Variants in SLFN5 observed in about 807,000 individuals in gnomAD.
The protein encoded by SLFN5 is schlafen family member 5.
SLFN5 carries 34 observed loss-of-function variants against 48.5 expected under a neutral mutation model. That is an observed-to-expected ratio of 0.70 (90% confidence interval 0.53 to 0.93). The LOEUF (loss-of-function observed/expected upper bound fraction) is 0.93, where lower values mean the gene tolerates loss of function less well. Ranked by LOEUF, SLFN5 falls within the 40% of genes least tolerant of loss-of-function variation. The pLI is 0.00. For synonymous variants in SLFN5, 387 were observed against 396.2 expected, an observed-to-expected ratio of 0.98 and a Z score of 0.28; for missense variants, 1,006 against 1,071.3, an observed-to-expected ratio of 0.94 and a Z score of 0.85.
At position 35,265,071 on chromosome 17, in the gene SLFN5, G is replaced by A. The variant is rs753790585; in HGVS notation, c.1860-1G>A. ...GAAAAACCTGACTCTGTTTCTTACAGTTTCAGCAAGAAAAACATCTGCCAG... is the reference window on the plus strand; with the variant it reads ...GAAAAACCTGACTCTGTTTCTTACAATTTCAGCAAGAAAAACATCTGCCAG... On this transcript the variant is annotated splice_acceptor_variant, in intron 4 of 4. Transcript: ENST00000299977. LOFTEE classifies it high-confidence loss of function. The A allele has an allele frequency of 2.5e-6, 4 of 1,605,798 alleles. No homozygotes were observed. Among genetic ancestry groups the A allele is most frequent in the African/African-American group, 1.3e-5 (1 of 74,608 alleles).
At chr17:35,251,251 A>G (rs1419073286) in intron 1 of SLFN5, among the ~76,000 whole-genome samples, 4 of 152,102 alleles carry the variant, frequency 2.6e-5, no homozygotes, top group Non-Finnish European at 5.9e-5. Context: ...CTCACTCTTG[A>G]CCTGTTTAAA....
At chr17:35,259,790 T>C (rs1421032899) in intron 2 of SLFN5, 88 bp downstream of exon 2, 8 of 1,431,938 alleles carry the variant, frequency 5.6e-6, no homozygotes, top group Non-Finnish European at 7.5e-6. Context: ...TGGTATTCCT[T>C]GGAATCTGGG....
At chr17:35,263,811 CA>C (rs370619332) in intron 3 of SLFN5, among the ~76,000 whole-genome samples, 36 of 122,348 alleles carry the variant, frequency 2.9e-4, no homozygotes, top group Non-Finnish European at 3.3e-4. Flanking sequence ...GACTCCATCT[CA>C]AAAAAAAAAA....
Position 35,271,194 on chromosome 17 carries a change from T to TA in SLFN5, c.*5307dup, listed in dbSNP as rs1485432908. The TA allele has an allele frequency of 3.9e-5, 6 of 152,220 alleles. No individual in the cohort carries two copies. Among genetic ancestry groups the TA allele is most frequent in the Admixed American group, 3.9e-4 (6 of 15,288 alleles). 9.4% of individuals were successfully genotyped at this position (152,220 alleles called of 1,614,324 possible). On this transcript the variant is annotated 3_prime_UTR_variant, in exon 5 of 5. Coordinates refer to ENST00000299977, the MANE Select transcript of SLFN5 (RefSeq NM_144975.4). ...TTGGAACAAGTAGGAATAATGTACT[T>TA]ATAGTATTCATCTTCATACAGGGAT...
At chr17:35,251,349 C>T (rs2092441878) in intron 1 of SLFN5, among the ~76,000 whole-genome samples, 2 of 152,218 alleles carry the variant, frequency 1.3e-5, no homozygotes, top group Admixed American at 6.5e-5. Context: ...TCATTCCCCG[C>T]CTGACCTCAT....
rs367701284 is a variant in SLFN5, at chr17:35,259,629, G to A, written c.939G>A (p.Trp313Ter). The part of the protein sequence containing the change: ...CAVFAKVPSS[W>*]QVKDNRVRQL... Reference sequence around the variant, plus strand: ...TGTTTGCCAAAGTGCCTAGTTCCTGGCAGGTGAAGGACAACCGTGTGAGAC... The same window carrying A: ...TGTTTGCCAAAGTGCCTAGTTCCTGACAGGTGAAGGACAACCGTGTGAGAC... Residue 313 changes from tryptophan to a stop codon, truncating the protein, a stop_gained, in exon 2 of 5, where the codon TGG (tryptophan) becomes TGA (stop). Coordinates refer to ENST00000299977, the MANE Select transcript of SLFN5 (RefSeq NM_144975.4). LOFTEE classifies it high-confidence loss of function. 3 of 1,605,676 alleles carry A rather than the reference G, an allele frequency of 1.9e-6. No homozygotes were observed. The highest frequency in any genetic ancestry group is 1.3e-5 in the African/African-American group (1 of 74,904).
intron 4 of SLFN5, 68 bp from the exon 5 acceptor site, chr17:35,265,004 G>C (rs916848524): frequency 1.3e-6 from 2 of 1,550,292 alleles, no homozygotes; most frequent in Admixed American, 2.0e-5. Flanking sequence ...ACCATGACCA[G>C]AGGGGTTTAA....
intron 1 of SLFN5, among the ~76,000 whole-genome samples, chr17:35,246,413 A>T (rs1432784232): frequency 6.6e-6 from 1 of 152,158 alleles, no homozygotes; most frequent in African/African-American, 2.4e-5. Context: ...CTAGGTATTA[A>T]GCCCAGCAGC....
Position 35,259,271 on chromosome 17 carries a change from A to G in SLFN5, c.581A>G (p.His194Arg). 5 of 1,614,164 alleles carry G rather than the reference A, an allele frequency of 3.1e-6. No homozygotes were observed. The highest frequency in any genetic ancestry group is 4.2e-6 in the Non-Finnish European group (5 of 1,180,040). ...LEKLNLPEST[H>R]VEFVMFSTDV... Reference sequence around the variant, plus strand: ...AAACTCAACCTTCCTGAGTCCACACATGTTGAATTTGTAATGTTCTCGACA... The same window carrying G: ...AAACTCAACCTTCCTGAGTCCACACGTGTTGAATTTGTAATGTTCTCGACA... The change falls in exon 2 of 5, where the codon CAT becomes CGT. Residue 194 changes from histidine (H) to arginine (R), a missense_variant. Transcript: ENST00000299977.
At position 35,265,285 on chromosome 17, in the gene SLFN5, G is replaced by GAA. The variant is rs541312359; in HGVS notation, c.2074_2075insAA (p.Ser692LysfsTer28). On this transcript the variant is annotated frameshift_variant, in exon 5 of 5. Coordinates refer to ENST00000299977, the MANE Select transcript of SLFN5 (RefSeq NM_144975.4). LOFTEE classifies it low-confidence loss of function (END_TRUNC). ...TGGACTACTTTCAGACCTATCACTT[G>GAA]AGTTGCAGTGGCCTCCCCCCTCCCT... 488 of 1,614,168 alleles carry GAA rather than the reference G, an allele frequency of 3.0e-4. 2 individuals carry two copies. The South Asian group carries it at 4.4e-3, about 14-fold the overall frequency.
At chr17:35,259,916 A>T in intron 2 of SLFN5, 1 of 589,386 alleles carries the variant, frequency 1.7e-6, no homozygotes, top group Non-Finnish European at 2.9e-6. Flanking sequence ...CATTCAACAG[A>T]TGCCCTGGCT....
At chr17:35,260,141 C>T (rs1904477823) in intron 2 of SLFN5, among the ~76,000 whole-genome samples, 2 of 152,188 alleles carry the variant, frequency 1.3e-5, no homozygotes, top group Non-Finnish European at 1.5e-5. Context: ...TTCACCCTTT[C>T]TCACTGCCCA....
chr17:35,269,700 G>C lies in SLFN5; in HGVS notation c.*3812G>C, dbSNP rs184143886. The C allele has an allele frequency of 6.6e-6, 1 of 152,108 alleles. No homozygotes were observed. Among genetic ancestry groups the C allele is most frequent in the East Asian group, 1.9e-4 (1 of 5,194 alleles). The allele number at this position is 152,108 out of a possible 1,614,324, so 9.4% of individuals were successfully genotyped here. On this transcript the variant is annotated 3_prime_UTR_variant, in exon 5 of 5. Transcript: ENST00000299977. ...GTTGCACTTATTTAGTTTGCATACC[G>C]TACTCAACTCTTAGCTAGCATAGGG...
chr17:35,247,779 A>C (rs755647004), intron 1 of SLFN5, among the ~76,000 whole-genome samples: 5 of 152,238 alleles, frequency 3.3e-5, no homozygotes, highest in African/African-American at 4.8e-5. Context: ...AGGTCCTACA[A>C]GCCTGTTCAA....
At chr17:35,248,953 G>A (rs1016943116) in intron 1 of SLFN5, among the ~76,000 whole-genome samples, 5 of 151,500 alleles carry the variant, frequency 3.3e-5, no homozygotes, top group Non-Finnish European at 5.9e-5. Context: ...TAAATCCGAG[G>A]GTTTTAAAAA....
At chr17:35,265,002 CA>C in intron 4 of SLFN5, 69 bp from the exon 5 acceptor site, 1 of 1,549,566 alleles carries the variant, frequency 6.5e-7, no homozygotes, top group East Asian at 2.2e-5. Flanking sequence ...TTACCATGAC[CA>C]GAGGGGTTTA....
In SLFN5 at chr17:35,266,177, T is replaced by TGTGTGTGCGC. The variant is rs35160124; in HGVS notation, c.*290_*291insTGTGTGCGCG. The TGTGTGTGCGC allele has an allele frequency of 0.036, 6,308 of 173,054 alleles. 119 individuals are homozygous for TGTGTGTGCGC. The highest frequency in any genetic ancestry group is 0.043 in the Admixed American group (703 of 16,436). 10.7% of individuals were successfully genotyped at this position (173,054 alleles called of 1,614,324 possible). On this transcript the variant is annotated 3_prime_UTR_variant, in exon 5 of 5. Coordinates refer to ENST00000299977, the MANE Select transcript of SLFN5 (RefSeq NM_144975.4). ...GTGTGTGTGTGTGTGTGTGTGTGTG[T>TGTGTGTGCGC]GCGCGCGCGCACGTGCACATGTGTG... is the stretch of plus-strand genomic sequence containing the variant.
intron 3 of SLFN5, among the ~76,000 whole-genome samples, chr17:35,263,696 G>C (rs539183066): frequency 3.3e-5 from 5 of 151,510 alleles, no homozygotes; most frequent in Non-Finnish European, 7.4e-5. Context: ...GGTGGCACAC[G>C]CCTTTGGTCC....
At chr17:35,256,840 C>T (rs1014513304) in intron 1 of SLFN5, among the ~76,000 whole-genome samples, 1 of 152,146 alleles carries the variant, frequency 6.6e-6, no homozygotes, top group African/African-American at 2.4e-5. Flanking sequence ...ACCAGGGGTC[C>T]CCCTGGCCCT....
Sources: allele counts gnomAD v4.1 joint callset (sites outside exome capture counted in the v4.1 genomes callset), GRCh38; gene constraint gnomAD v4.1.1; transcripts MANE v1.5; gene names NCBI Gene and HGNC (gene_info 2026-07-23, HGNC 2026-07-21).